The following VSTM5 variants were observed in gnomAD, a reference collection of about 807,000 sequenced individuals.
VSTM5 encodes the protein V-set and transmembrane domain containing 5.
Under a neutral mutation model 20.3 loss-of-function variants are expected in VSTM5, and 21 were observed. The observed-to-expected ratio is 1.03, with a 90% CI of 0.73 to 1.49. The LOEUF (loss-of-function observed/expected upper bound fraction) is 1.49. Ranked by LOEUF, VSTM5 falls within the 40% of genes most tolerant of loss-of-function variation. The pLI, the probability that VSTM5 is intolerant of heterozygous loss-of-function variation, is 0.00. For synonymous variants in VSTM5, 100 were observed against 102.5 expected (o/e 0.98, Z 0.14); for missense variants, 219 against 250.0 (o/e 0.88, Z 0.84).
In VSTM5 at chr11:93,821,169, T is replaced by A; in HGVS notation, c.246A>T (p.Lys82Asn). ...NWGTQKIVEW[K>N]PGTQANISQS... ...GAGAGATGTTGGCCTGAGTCCCTGG[T>A]TTCCACTCCACGATCTTCTGCGTTC... The change falls in exon 2 of 4, where the codon AAA (lysine) becomes AAT (asparagine). Residue 82 changes from lysine to asparagine, a missense_variant. Physicochemically the swap from Lys to Asn is moderately conservative, Grantham distance 94. Transcript: ENST00000409977. 6.4e-7 allele frequency: 1 copy of A among 1,552,212 alleles called. No homozygotes were observed.
chr11:93,825,913 T>A (rs1591397307), intron 1 of VSTM5, among the ~76,000 whole-genome samples: 2 of 150,952 alleles, frequency 1.3e-5, no homozygotes, highest in East Asian at 3.9e-4. Context: ...ATAGAAAAGA[T>A]GTACAAAACT....
intron 1 of VSTM5, among the ~76,000 whole-genome samples, chr11:93,842,377 C>A (rs954783593): frequency 6.6e-6 from 1 of 152,162 alleles, no homozygotes; most frequent in Non-Finnish European, 1.5e-5. Flanking sequence ...CAAGACTGGG[C>A]GACCTGAAAT....
At chr11:93,846,115 C>T (rs1164857491) in intron 1 of VSTM5, among the ~76,000 whole-genome samples, 5 of 152,254 alleles carry the variant, frequency 3.3e-5, no homozygotes, top group South Asian at 2.1e-4. Flanking sequence ...CTCGGCCTCC[C>T]GCGTAGCTGG....
Position 93,821,522 on chromosome 11 carries a change from G to A in VSTM5, c.92-199C>T, listed in dbSNP as rs181156443. On this transcript the variant is annotated intron_variant, in intron 1 of 3. Transcript: ENST00000409977. ...GGAGATAGAGCTCTCTACACACAGA[G>A]CAACCTTTTTCCATTTTGAAGACTA... The A allele has an allele frequency of 1.9e-3, 1,094 of 588,994 alleles. 4 individuals carry two copies. Among genetic ancestry groups the A allele is most frequent in the Non-Finnish European group, 2.7e-3 (896 of 336,628 alleles). The allele number at this position is 588,994 out of a possible 1,614,324, so 36.5% of individuals were successfully genotyped here.
At chr11:93,826,279 A>G (rs1001894732) in intron 1 of VSTM5, among the ~76,000 whole-genome samples, 1 of 152,070 alleles carries the variant, frequency 6.6e-6, no homozygotes, top group Non-Finnish European at 1.5e-5. Context: ...AAAATAAATA[A>G]AATTGACAAA....
intron 1 of VSTM5, among the ~76,000 whole-genome samples, chr11:93,828,305 G>A (rs1944254499): frequency 6.6e-6 from 1 of 152,132 alleles, no homozygotes; most frequent in Admixed American, 6.6e-5. Context: ...CCGACTTCCT[G>A]GAGATGGTGA....
At chr11:93,822,383 T>G (rs955366588) in intron 1 of VSTM5, among the ~76,000 whole-genome samples, 1 of 150,598 alleles carries the variant, frequency 6.6e-6, no homozygotes, top group African/African-American at 2.5e-5. Flanking sequence ...CACCCAGCCA[T>G]CTCCTTTTTT....
chr11:93,850,559 T>A lies in VSTM5; in HGVS notation c.-57A>T, dbSNP rs1175408783. 3.0e-6 allele frequency: 4 copies of A among 1,335,976 alleles called. No individual in the cohort carries two copies. Among genetic ancestry groups the A allele is most frequent in the Non-Finnish European group, 3.1e-6 (3 of 974,536 alleles). 82.8% of individuals were successfully genotyped at this position (1,335,976 alleles called of 1,614,324 possible). ...TGTGCTGGCCGCACCGCGCTGCAGC[T>A]CCTATGCAGCCTTCTCTCTTCCTCC... On this transcript the variant is annotated 5_prime_UTR_variant, in exon 1 of 4. Transcript: ENST00000409977.
At chr11:93,830,913 G>A (rs144341206) in intron 1 of VSTM5, among the ~76,000 whole-genome samples, 39 of 151,968 alleles carry the variant, frequency 2.6e-4, no homozygotes, top group African/African-American at 6.3e-4. Flanking sequence ...GGCCAGGCCC[G>A]GCTATTTTTT....
At chr11:93,839,935 A>C (rs1944357529) in intron 1 of VSTM5, among the ~76,000 whole-genome samples, 1 of 152,246 alleles carries the variant, frequency 6.6e-6, no homozygotes, top group Non-Finnish European at 1.5e-5. Context: ...ATATAGAGAC[A>C]TACATGCACG....
At chr11:93,850,121 C>T (rs958086541) in intron 1 of VSTM5, among the ~76,000 whole-genome samples, 3 of 152,230 alleles carry the variant, frequency 2.0e-5, no homozygotes, top group Non-Finnish European at 4.4e-5. Context: ...GCTCTGATAA[C>T]CGTAGGCCGG....
Position 93,820,098 on chromosome 11 carries a change from G to C in VSTM5, c.*471C>G, listed in dbSNP as rs144968286. 5.8e-4 allele frequency: 106 copies of C among 182,756 alleles called. 2 individuals are homozygous for C. Among genetic ancestry groups the C allele is most frequent in the African/African-American group, 2.4e-3 (101 of 41,938 alleles). The allele number at this position is 182,756 out of a possible 1,614,324, so 11.3% of individuals were successfully genotyped here. On this transcript the variant is annotated 3_prime_UTR_variant, in exon 4 of 4. Transcript: ENST00000409977. ...ATAGCTCCCACAGCAGTGCTTGCTT[G>C]TGGGATACCAGATGGGGGGCTGGTT...
intron 1 of VSTM5, among the ~76,000 whole-genome samples, chr11:93,848,497 C>G (rs1944431281): frequency 6.6e-6 from 1 of 152,206 alleles, no homozygotes; most frequent in Non-Finnish European, 1.5e-5. Context: ...GCCATTTTGT[C>G]TGGTACACCC....
chr11:93,844,848 C>A (rs1245346686), intron 1 of VSTM5, among the ~76,000 whole-genome samples: 1 of 66,676 alleles, frequency 1.5e-5, no homozygotes, highest in Admixed American at 1.3e-4. Flanking sequence ...GCTGCTACCC[C>A]AGCTCTTGGC....
chr11:93,834,763 A>G (rs190518798), intron 1 of VSTM5, among the ~76,000 whole-genome samples: 6,202 of 147,620 alleles, frequency 0.042, 439 homozygotes, highest in African/African-American at 0.15. Flanking sequence ...AGCCTGGGCG[A>G]CAGAGTGAGA....
chr11:93,829,170 A>G (rs1051108007), intron 1 of VSTM5, among the ~76,000 whole-genome samples: 3 of 152,218 alleles, frequency 2.0e-5, no homozygotes, highest in Non-Finnish European at 2.9e-5. Flanking sequence ...CAGTTTGTCC[A>G]GGACTGAGAG....
intron 1 of VSTM5, among the ~76,000 whole-genome samples, chr11:93,841,275 A>G (rs993777369): frequency 2.0e-5 from 3 of 152,218 alleles, no homozygotes; most frequent in African/African-American, 7.2e-5. Context: ...TAACCCAGAA[A>G]ACATTGTAAA....
At chr11:93,830,962 T>C (rs527682686) in intron 1 of VSTM5, among the ~76,000 whole-genome samples, 7 of 152,212 alleles carry the variant, frequency 4.6e-5, no homozygotes, top group Non-Finnish European at 7.4e-5. Flanking sequence ...TTTGCCATGT[T>C]GCCCAAGCTG....
chr11:93,820,898 T>G lies in VSTM5; in HGVS notation c.419-15A>C. ...ATAGAGGATCTCTATGGAGTGAGGG[T>G]GAGGGGAGGGGGAAGACAACATTTC... is the stretch of plus-strand genomic sequence containing the variant. On this transcript the variant is annotated splice_polypyrimidine_tract_variant and intron_variant, in intron 2 of 3. Coordinates refer to ENST00000409977, the MANE Select transcript of VSTM5 (RefSeq NM_001144871.2). 1 of 1,550,134 alleles carries G rather than the reference T, an allele frequency of 6.5e-7. No homozygotes were observed.
Sources: allele counts gnomAD v4.1 joint callset (sites outside exome capture counted in the v4.1 genomes callset), GRCh38; gene constraint gnomAD v4.1.1; transcripts MANE v1.5; gene names NCBI Gene and HGNC (gene_info 2026-07-23, HGNC 2026-07-21).